TULP4: variants seen among roughly 807,000 people sequenced by gnomAD.
TULP4 encodes the protein tubby-related protein 4.
TULP4 carries 16 observed loss-of-function variants against 129.0 expected under a neutral mutation model. That is an observed-to-expected ratio of 0.12 (90% confidence interval 0.08 to 0.19). The LOEUF (loss-of-function observed/expected upper bound fraction) is 0.19, where lower values mean the gene tolerates loss of function less well. TULP4 is among the 10% of genes least tolerant of loss of function. TULP4 has a pLI of 1.00. For missense variants in TULP4, 1,842 were observed against 2,059.1 expected (o/e 0.89, Z 2.04); for synonymous variants, 998 against 854.0 (o/e 1.17, Z -2.94).
intron 1 of TULP4, among the ~76,000 whole-genome samples, chr6:158,265,281 C>G (rs1305028044): frequency 2.0e-5 from 3 of 152,140 alleles, no homozygotes; most frequent in Non-Finnish European, 2.9e-5. Flanking sequence ...CTTTCCCCAC[C>G]CCTCCTTTTT....
At chr6:158,399,571 T>G (rs1399109220) in intron 1 of TULP4, among the ~76,000 whole-genome samples, 1 of 152,354 alleles carries the variant, frequency 6.6e-6, no homozygotes, top group African/African-American at 2.4e-5. Context: ...TGGTAAATGC[T>G]GGCCTCAGAC....
rs114770834 is a variant in TULP4 at position 158,421,550 on chromosome 6, C to A, written c.382-8186C>A. ...ATAAAATTTTGTGCAGCCCAAAGTT[C>A]TTTTGCAGTCTTATAGTGGCTGTCC... On this transcript the variant is annotated intron_variant, in intron 2 of 13. Transcript: ENST00000367097. Among the ~76,000 whole-genome samples the A allele has an allele frequency of 5.1e-4, 77 of 152,274 alleles. 1 individual carries two copies. The highest frequency in any genetic ancestry group is 1.7e-3 in the African/African-American group (72 of 41,552).
chr6:158,366,119 G>A (rs542674620), intron 1 of TULP4, among the ~76,000 whole-genome samples: 4 of 151,568 alleles, frequency 2.6e-5, no homozygotes, highest in Admixed American at 6.6e-5. Flanking sequence ...TAGCCAGGAT[G>A]GTCTCGATCT....
Position 158,475,504 on chromosome 6 carries a change from G to A in TULP4, c.1027-4247G>A, listed in dbSNP as rs79630914. 5.7e-3 allele frequency among the ~76,000 whole-genome samples: 870 copies of A among 152,334 alleles called. 7 individuals carry two copies. Among genetic ancestry groups the A allele is most frequent in the African/African-American group, 0.018 (751 of 41,566 alleles). On this transcript the variant is annotated intron_variant, in intron 6 of 13. Coordinates refer to ENST00000367097, the MANE Select transcript of TULP4 (RefSeq NM_020245.5). ...GGGATTTGAGAAAGAGATTAAGACC[G>A]CAAACTTACAATTGAGTTTTTCCCT...
At chr6:158,445,038 T>C (rs973109222) in intron 3 of TULP4, among the ~76,000 whole-genome samples, 1 of 152,138 alleles carries the variant, frequency 6.6e-6, no homozygotes, top group Non-Finnish European at 1.5e-5. Context: ...GGTTTCAAAC[T>C]CCTGGCTTCA....
At chr6:158,425,329 C>T (rs1024024696) in intron 2 of TULP4, among the ~76,000 whole-genome samples, 1 of 151,440 alleles carries the variant, frequency 6.6e-6, no homozygotes, top group Non-Finnish European at 1.5e-5. Flanking sequence ...GCCTGACCAA[C>T]GTGGTGAAAC....
At chr6:158,505,000 T>TA (rs984674159) in intron 13 of TULP4, among the ~76,000 whole-genome samples, 1 of 140,538 alleles carries the variant, frequency 7.1e-6, no homozygotes, top group Non-Finnish European at 1.6e-5. Flanking sequence ...AGCCATGTAT[T>TA]ACGGCTTAGT....
At chr6:158,258,243 G>A (rs901408193) in intron 1 of TULP4, among the ~76,000 whole-genome samples, 12 of 152,070 alleles carry the variant, frequency 7.9e-5, no homozygotes, top group Non-Finnish European at 1.3e-4. Context: ...CATGGATGGG[G>A]CCAGGAGGAC....
upstream of TULP4, among the ~76,000 whole-genome samples, chr6:158,281,838 C>A (rs1423171769): frequency 6.6e-6 from 1 of 152,164 alleles, no homozygotes; most frequent in Non-Finnish European, 1.5e-5. Flanking sequence ...GTCCCTTCCA[C>A]CATCTGATGA....
intron 1 of TULP4, chr6:158,237,641 T>TA: frequency 7.4e-7 from 1 of 1,350,792 alleles, no homozygotes; most frequent in Non-Finnish European, 1.1e-6. Context: ...GGATCTGGGG[T>TA]AAGTTTTGGG....
chr6:158,480,054 G>A, intron 7 of TULP4, 79 bp downstream of exon 7: 1 of 1,190,370 alleles, frequency 8.4e-7, no homozygotes, highest in Non-Finnish European at 1.2e-6. Context: ...AGACAGGTGA[G>A]GGTACCAGAG....
chr6:158,511,385 T>C lies in TULP4; in HGVS notation c.*4691T>C, dbSNP rs896432777. Reference sequence around the variant, plus strand: ...AGTTTATTACTACTGGCATTTTCTTTTTCCCTTTTTTTTTTTTTTAACCGT... The same window carrying C: ...AGTTTATTACTACTGGCATTTTCTTCTTCCCTTTTTTTTTTTTTTAACCGT... On this transcript the variant is annotated 3_prime_UTR_variant, in exon 14 of 14. Coordinates refer to ENST00000367097, the MANE Select transcript of TULP4 (RefSeq NM_020245.5). 1.0e-4 allele frequency: 8 copies of C among 78,656 alleles called. No homozygotes were observed. Among genetic ancestry groups the C allele is most frequent in the African/African-American group, 4.3e-4 (8 of 18,702 alleles). 4.9% of individuals were successfully genotyped at this position (78,656 alleles called of 1,614,324 possible). A position where few individuals can be genotyped will look rare whatever the true frequency, so the allele number is the denominator to read the frequency against.
chr6:158,246,453 C>T (rs1778033260), intron 1 of TULP4, among the ~76,000 whole-genome samples: 1 of 150,562 alleles, frequency 6.6e-6, no homozygotes, highest in Admixed American at 6.6e-5. Context: ...GATCGCACCA[C>T]TGCACTCCAG....
intron 5 of TULP4, among the ~76,000 whole-genome samples, chr6:158,454,960 A>G (rs1779260012): frequency 1.3e-5 from 2 of 151,710 alleles, no homozygotes; most frequent in South Asian, 4.2e-4. Context: ...GTAGAAGGAT[A>G]TGTTAGGTAA....
At chr6:158,240,466 G>C (rs1487391474) in intron 1 of TULP4, among the ~76,000 whole-genome samples, 1 of 86,292 alleles carries the variant, frequency 1.2e-5, no homozygotes, top group Non-Finnish European at 2.6e-5. Context: ...CTGGCTGGGC[G>C]GAAGGCTGAC....
chr6:158,326,237 T>A (rs1270113287), intron 1 of TULP4, among the ~76,000 whole-genome samples: 2 of 152,214 alleles, frequency 1.3e-5, no homozygotes, highest in African/African-American at 4.8e-5. Flanking sequence ...AGTGGTTTAG[T>A]TTATCTATTG....
At chr6:158,248,701 C>T (rs139309865) in intron 1 of TULP4, among the ~76,000 whole-genome samples, 1 of 151,750 alleles carries the variant, frequency 6.6e-6, no homozygotes, top group Non-Finnish European at 1.5e-5. Context: ...ATGATTGTGC[C>T]ACCGCACTCT....
At chr6:158,462,153 G>C (rs1392562794) in intron 6 of TULP4, among the ~76,000 whole-genome samples, 1 of 152,170 alleles carries the variant, frequency 6.6e-6, no homozygotes, top group African/African-American at 2.4e-5. Flanking sequence ...GCATACGTGG[G>C]AGTTAACCCA....
rs1250766833 is a variant in TULP4 at position 158,452,087 on chromosome 6, G to A, written c.725-47G>A. Reference sequence around the variant, plus strand: ...ATTTCAGCTTTGGGAACCTGGATTTGGGTGGTGTGCTTCCCTCCTTTTCAC... The same window carrying A: ...ATTTCAGCTTTGGGAACCTGGATTTAGGTGGTGTGCTTCCCTCCTTTTCAC... On this transcript the variant is annotated intron_variant, in intron 4 of 13. Coordinates refer to ENST00000367097, the MANE Select transcript of TULP4 (RefSeq NM_020245.5). The A allele has an allele frequency of 1.9e-6, 3 of 1,601,472 alleles. No individual in the cohort carries two copies. In the African/African-American group the frequency reaches 4.0e-5, roughly 21 times the overall value.
Sources: allele counts gnomAD v4.1 joint callset (sites outside exome capture counted in the v4.1 genomes callset), GRCh38; gene constraint gnomAD v4.1.1; transcripts MANE v1.5; gene names NCBI Gene and HGNC (gene_info 2026-07-23, HGNC 2026-07-21).